The following TBC1D23 variants were observed in gnomAD, a reference collection of about 807,000 sequenced individuals.
TBC1D23 encodes TBC1 domain family member 23.
A neutral mutation model predicts 91.4 loss-of-function variants in TBC1D23; 55 were observed. The ratio of observed to expected loss-of-function variants is 0.60; its 90% CI spans 0.48 to 0.75. The LOEUF (loss-of-function observed/expected upper bound fraction) is 0.75. Among genes scored for constraint, TBC1D23 ranks in the 30% least tolerant of loss-of-function variants. The pLI is 0.00. For synonymous variants in TBC1D23, 289 were observed against 281.0 expected (o/e 1.03, Z -0.28); for missense variants, 725 against 836.1 (o/e 0.87, Z 1.64).
At chr3:100,280,462 CAT>C (rs1490132531) in intron 2 of TBC1D23, among the ~76,000 whole-genome samples, 1 of 152,096 alleles carries the variant, frequency 6.6e-6, no homozygotes, top group African/African-American at 2.4e-5. Flanking sequence ...TGAATTAAGG[CAT>C]TGTTATGATT....
chr3:100,319,451 G>A (rs752856657), intron 17 of TBC1D23, among the ~76,000 whole-genome samples: 20 of 151,400 alleles, frequency 1.3e-4, no homozygotes, highest in Non-Finnish European at 2.1e-4. Flanking sequence ...TTTTTGAGAC[G>A]GAGTTTTGCT....
At chr3:100,285,735 G>A (rs991768146) in intron 4 of TBC1D23, among the ~76,000 whole-genome samples, 1 of 152,148 alleles carries the variant, frequency 6.6e-6, no homozygotes, top group Non-Finnish European at 1.5e-5. Flanking sequence ...GTCAACATTT[G>A]TCTTTTTGAT....
At chr3:100,295,536 A>T (rs765462846) in intron 7 of TBC1D23, among the ~76,000 whole-genome samples, 188 bp downstream of exon 7, 3 of 152,138 alleles carry the variant, frequency 2.0e-5, no homozygotes, top group Non-Finnish European at 4.4e-5. Context: ...TGCCATCTTC[A>T]TTCATTCCTT....
At chr3:100,280,378 A>T (rs2067684472) in intron 2 of TBC1D23, among the ~76,000 whole-genome samples, 2 of 152,226 alleles carry the variant, frequency 1.3e-5, no homozygotes, top group African/African-American at 2.4e-5. Flanking sequence ...CTGTTGGGTT[A>T]TAGGAGATTT....
intron 16 of TBC1D23, among the ~76,000 whole-genome samples, chr3:100,317,885 A>G (rs967250785): frequency 1.3e-5 from 2 of 152,170 alleles, no homozygotes; most frequent in Non-Finnish European, 2.9e-5. Flanking sequence ...AGATGTTGGG[A>G]GTAGGGTAGC....
At chr3:100,312,451 A>G (rs1292225051) in intron 15 of TBC1D23, among the ~76,000 whole-genome samples, 1 of 152,028 alleles carries the variant, frequency 6.6e-6, no homozygotes, top group African/African-American at 2.4e-5. Flanking sequence ...AAAAAATTAC[A>G]TTTTTTTCTA....
At chr3:100,322,743 G>T (rs1705882059) in intron 18 of TBC1D23, among the ~76,000 whole-genome samples, 1 of 151,910 alleles carries the variant, frequency 6.6e-6, no homozygotes, top group African/African-American at 2.4e-5. Context: ...TAAATAAATT[G>T]AAGTTTATTA....
Position 100,321,830 on chromosome 3 carries a change from TAAA to T in TBC1D23, c.2018+871_2018+873del, listed in dbSNP as rs10693696. On this transcript the variant is annotated intron_variant, in intron 18 of 18. Coordinates refer to ENST00000394144, the MANE Select transcript of TBC1D23 (RefSeq NM_001199198.3). ...TTAAAAGAAAATAATACCTGATTTG[TAAA>T]AAAAAAAAAAATCACTTCATTGCTT... Among the ~76,000 whole-genome samples, 5 of 146,168 alleles carry T rather than the reference TAAA, an allele frequency of 3.4e-5. No individual in the cohort carries two copies. The East Asian group carries it at 1.0e-3, about 29-fold the overall frequency.
intron 16 of TBC1D23, among the ~76,000 whole-genome samples, chr3:100,318,067 A>G (rs568424480): frequency 3.3e-5 from 5 of 152,134 alleles, no homozygotes; most frequent in African/African-American, 7.2e-5. Context: ...CCAAATTCAG[A>G]TAATTAGTAT....
chr3:100,273,901 A>G (rs941507269), intron 1 of TBC1D23, among the ~76,000 whole-genome samples: 1 of 152,220 alleles, frequency 6.6e-6, no homozygotes, highest in African/African-American at 2.4e-5. Context: ...AAACCCCATA[A>G]TAAAACCCAG....
chr3:100,291,785 C>CTTTTTTTTT (rs1365916217), intron 5 of TBC1D23, among the ~76,000 whole-genome samples: 1 of 138,644 alleles, frequency 7.2e-6, no homozygotes. Context: ...ATCATATCTG[C>CTTTTTTTTT]TTTTTTTTTT....
Position 100,299,301 on chromosome 3 carries a change from A to C in TBC1D23, c.1062A>C (p.Leu354Phe). Reference sequence around the variant, plus strand: ...CAGAACAATATAATGCTGGGCATTTATCAACTGCTTTCCACTTAGATTCAG... The same window carrying C: ...CAGAACAATATAATGCTGGGCATTTCTCAACTGCTTTCCACTTAGATTCAG... ...RPAEQYNAGH[L>F]STAFHLDSDL... Residue 354 changes from leucine (L) to phenylalanine (F), a missense_variant, in exon 10 of 19, where the codon TTA becomes TTC. By Grantham distance (22) the Leu-to-Phe change is conservative. Transcript: ENST00000394144. The C allele has an allele frequency of 6.2e-7, 1 of 1,612,144 alleles. No homozygotes were observed. Among genetic ancestry groups the C allele is most frequent in the Non-Finnish European group, 8.5e-7 (1 of 1,178,486 alleles).
chr3:100,285,834 TTA>T (rs1384863987), intron 4 of TBC1D23, among the ~76,000 whole-genome samples: 1 of 152,212 alleles, frequency 6.6e-6, no homozygotes, highest in Non-Finnish European at 1.5e-5. Flanking sequence ...GAGCATCTTT[TTA>T]TGTGTTTATT....
intron 1 of TBC1D23, among the ~76,000 whole-genome samples, chr3:100,278,387 T>A (rs1430303188): frequency 7.6e-6 from 1 of 131,894 alleles, no homozygotes. Context: ...AATTGATTGA[T>A]TTTTTTTTTT....
intron 3 of TBC1D23, 149 bp downstream of exon 3, chr3:100,281,996 A>G: frequency 1.9e-6 from 1 of 522,430 alleles, no homozygotes; most frequent in Non-Finnish European, 3.4e-6. Flanking sequence ...TTCTTATGAA[A>G]TATTGTCTAT....
chr3:100,291,321 G>A (rs1017860185), intron 5 of TBC1D23, among the ~76,000 whole-genome samples: 4 of 152,128 alleles, frequency 2.6e-5, no homozygotes, highest in African/African-American at 7.2e-5. Context: ...AGTGGCTCAC[G>A]CCTGCAATCC....
At chr3:100,266,791 G>A (rs533616079) in intron 1 of TBC1D23, among the ~76,000 whole-genome samples, 1 of 152,294 alleles carries the variant, frequency 6.6e-6, no homozygotes, top group South Asian at 2.1e-4. Context: ...ACTGTAATAT[G>A]CAGCCAACTT....
At chr3:100,261,271 C>T in intron 1 of TBC1D23, 200 bp downstream of exon 1, 2 of 591,606 alleles carry the variant, frequency 3.4e-6, no homozygotes, top group Non-Finnish European at 6.0e-6. Flanking sequence ...GGCGGGACTC[C>T]CAAGGAGAGG....
chr3:100,262,838 C>CT (rs1339079995), intron 1 of TBC1D23, among the ~76,000 whole-genome samples: 18 of 150,734 alleles, frequency 1.2e-4, no homozygotes, highest in African/African-American at 3.4e-4. Flanking sequence ...AATTGTACAT[C>CT]TTTTTTGTGC....
Sources: allele counts gnomAD v4.1 joint callset (sites outside exome capture counted in the v4.1 genomes callset), GRCh38; gene constraint gnomAD v4.1.1; transcripts MANE v1.5; gene names NCBI Gene and HGNC (gene_info 2026-07-23, HGNC 2026-07-21).